The following ADARB2 variants were observed in gnomAD, a reference collection of about 807,000 sequenced individuals.
The protein encoded by ADARB2 is inactive double-stranded RNA-specific editase B2.
In ADARB2, 25 loss-of-function variants were observed where a neutral mutation model predicts 62.2. The observed-to-expected ratio is 0.40, with a 90% CI of 0.29 to 0.56. The LOEUF (loss-of-function observed/expected upper bound fraction) is 0.56. Among genes scored for constraint, ADARB2 ranks in the 20% least tolerant of loss-of-function variants. The probability of loss-of-function intolerance (pLI) is 0.43; values close to 1 mark genes in which losing one functional copy is unlikely to be tolerated. For missense variants in ADARB2, 1,071 were observed against 1,077.4 expected (o/e 0.99, Z 0.08); for synonymous variants, 572 against 500.8 (o/e 1.14, Z -1.90).
At chr10:1,723,133 G>C (rs1021172416) in intron 1 of ADARB2, among the ~76,000 whole-genome samples, 3 of 152,204 alleles carry the variant, frequency 2.0e-5, no homozygotes, top group Non-Finnish European at 4.4e-5. Flanking sequence ...TTCTCAGAAG[G>C]CCCTTGTGTG....
chr10:1,627,025 C>T (rs1000765769), intron 1 of ADARB2, among the ~76,000 whole-genome samples: 9 of 152,010 alleles, frequency 5.9e-5, no homozygotes, highest in East Asian at 1.9e-4. Flanking sequence ...CGGGCCCCGG[C>T]GCACCCGCTA....
At chr10:1,531,028 C>T (rs900646885) in intron 1 of ADARB2, among the ~76,000 whole-genome samples, 7 of 152,324 alleles carry the variant, frequency 4.6e-5, no homozygotes, top group African/African-American at 1.7e-4. Context: ...GCATTTCTGC[C>T]TCCCATTAGG....
rs908489766 is a variant in ADARB2 at position 1,177,707 on chromosome 10, A to G, written c.*5486T>C. 1.3e-5 allele frequency: 2 copies of G among 152,202 alleles called. No homozygotes were observed. Among genetic ancestry groups the G allele is most frequent in the African/African-American group, 4.8e-5 (2 of 41,444 alleles). 9.4% of individuals were successfully genotyped at this position (152,202 alleles called of 1,614,324 possible). On this transcript the variant is annotated 3_prime_UTR_variant, in exon 10 of 10. Transcript: ENST00000381312. ...TGTTTAGGGAATGCTCATCCCTCCA[A>G]CCTTGGCTTAGGATGATGAGTTGGG...
At chr10:1,204,266 A>G (rs1215784657) in intron 7 of ADARB2, among the ~76,000 whole-genome samples, 1 of 152,214 alleles carries the variant, frequency 6.6e-6, no homozygotes, top group Non-Finnish European at 1.5e-5. Flanking sequence ...AATAGAAGCC[A>G]ACAGCCTTTT....
At chr10:1,502,193 T>C (rs971865152) in intron 1 of ADARB2, among the ~76,000 whole-genome samples, 1 of 152,234 alleles carries the variant, frequency 6.6e-6, no homozygotes, top group Non-Finnish European at 1.5e-5. Context: ...CCAGCCTCAG[T>C]GGGGGCCCGG....
chr10:1,371,238 A>G (rs550223583), intron 2 of ADARB2, among the ~76,000 whole-genome samples: 2 of 152,372 alleles, frequency 1.3e-5, no homozygotes, highest in African/African-American at 4.8e-5. Flanking sequence ...TTGGCTATCC[A>G]TATGCAGAAG....
At chr10:1,289,297 C>G (rs1379944111) in intron 3 of ADARB2, among the ~76,000 whole-genome samples, 3 of 152,248 alleles carry the variant, frequency 2.0e-5, no homozygotes, top group Non-Finnish European at 2.9e-5. Flanking sequence ...AATGATGCCT[C>G]AATTCTCTCT....
intron 1 of ADARB2, among the ~76,000 whole-genome samples, chr10:1,400,083 T>C (rs1832648969): frequency 6.6e-6 from 1 of 152,094 alleles, no homozygotes; most frequent in African/African-American, 2.4e-5. Context: ...GAACCGCAGA[T>C]GGAATGGGGT....
At position 1,233,717 on chromosome 10, in the gene ADARB2, G is replaced by T; in HGVS notation, c.1490C>A (p.Ser497Tyr). The T allele has an allele frequency of 6.2e-7, 1 of 1,613,818 alleles. No individual in the cohort carries two copies. Among genetic ancestry groups the T allele is most frequent in the Non-Finnish European group, 8.5e-7 (1 of 1,179,896 alleles). The change falls in exon 6 of 10, where the codon TCT becomes TAT. Residue 497 changes from serine (S) to tyrosine (Y), a missense_variant. Physicochemically the swap from Ser to Tyr is moderately radical, Grantham distance 144. Coordinates refer to ENST00000381312, the MANE Select transcript of ADARB2 (RefSeq NM_018702.4). The part of the protein sequence containing the change: ...TSPCGDARLH[S>Y]PYEITTDLHS... Reference sequence around the variant, plus strand: ...ACGGTCTGTGGTGATCTCGTAGGGAGAGTGGAGTCTTGCGTCTCCACAGGG... The same window carrying T: ...ACGGTCTGTGGTGATCTCGTAGGGATAGTGGAGTCTTGCGTCTCCACAGGG...
intron 8 of ADARB2, 150 bp from the exon 9 acceptor site, chr10:1,185,189 G>T: frequency 9.3e-7 from 1 of 1,074,400 alleles, no homozygotes. Flanking sequence ...CGTGTCACCC[G>T]CAGGGCGGAG....
At chr10:1,187,620 C>T (rs1371880958) in intron 8 of ADARB2, among the ~76,000 whole-genome samples, 1 of 152,250 alleles carries the variant, frequency 6.6e-6, no homozygotes, top group Non-Finnish European at 1.5e-5. Flanking sequence ...TGCTGCTAGC[C>T]CTTGGCCAGC....
intron 1 of ADARB2, among the ~76,000 whole-genome samples, chr10:1,447,791 C>T (rs1014387607): frequency 6.6e-6 from 1 of 152,146 alleles, no homozygotes; most frequent in African/African-American, 2.4e-5. Flanking sequence ...CCTGTGTTTT[C>T]ATCATTTAGC....
At chr10:1,528,066 C>G (rs1004197032) in intron 1 of ADARB2, among the ~76,000 whole-genome samples, 7 of 152,190 alleles carry the variant, frequency 4.6e-5, no homozygotes, top group African/African-American at 1.7e-4. Context: ...TTATGGACTC[C>G]CCTCTTGGAG....
In ADARB2 at chr10:1,477,533, G is replaced by A. The variant is rs1831418060; in HGVS notation, c.101-98373C>T. ...TAATAAATCTGCCTTCTTTACCCACGACTGTCTTGGTAAATTCTTTTACCA... is the reference window on the plus strand; with the variant it reads ...TAATAAATCTGCCTTCTTTACCCACAACTGTCTTGGTAAATTCTTTTACCA... On this transcript the variant is annotated intron_variant, in intron 1 of 9. Coordinates refer to ENST00000381312, the MANE Select transcript of ADARB2 (RefSeq NM_018702.4). This position sits in a 1 kb window ranked among gnomAD's most constrained non-coding sequence, Gnocchi z 4.5. 6.6e-6 allele frequency among the ~76,000 whole-genome samples: 1 copy of A among 151,966 alleles called. No individual in the cohort carries two copies. Among genetic ancestry groups the A allele is most frequent in the African/African-American group, 2.4e-5 (1 of 41,352 alleles).
chr10:1,456,782 C>T (rs902506023), intron 1 of ADARB2, among the ~76,000 whole-genome samples: 1 of 152,098 alleles, frequency 6.6e-6, no homozygotes, highest in Non-Finnish European at 1.5e-5. Context: ...CTTCTGACTG[C>T]CCGAGAAAGA....
intron 1 of ADARB2, among the ~76,000 whole-genome samples, chr10:1,459,787 T>C (rs1338067104): frequency 6.6e-6 from 1 of 152,108 alleles, no homozygotes; most frequent in Non-Finnish European, 1.5e-5. Context: ...TGAAGCCACA[T>C]GGACTCAGAG....
At chr10:1,731,285 A>G (rs1835228875) in intron 1 of ADARB2, among the ~76,000 whole-genome samples, 1 of 152,246 alleles carries the variant, frequency 6.6e-6, no homozygotes, top group Non-Finnish European at 1.5e-5. Flanking sequence ...AAGCAATCAG[A>G]TAAAATAGCC....
chr10:1,292,748 C>T (rs1307980106), intron 3 of ADARB2: 1 of 152,180 alleles, frequency 6.6e-6, no homozygotes, highest in Non-Finnish European at 1.5e-5. Context: ...GCCCACTTGC[C>T]AGGATGTCCT....
At chr10:1,734,760 C>T (rs1835279073) in intron 1 of ADARB2, among the ~76,000 whole-genome samples, 1 of 152,176 alleles carries the variant, frequency 6.6e-6, no homozygotes, top group African/African-American at 2.4e-5. Context: ...CTCTCATACA[C>T]ACGTGGATTT....
Sources: allele counts gnomAD v4.1 joint callset (sites outside exome capture counted in the v4.1 genomes callset), GRCh38; gene constraint gnomAD v4.1.1; non-coding constraint Gnocchi (gnomAD v3.1); transcripts MANE v1.5; gene names NCBI Gene and HGNC (gene_info 2026-07-23, HGNC 2026-07-21).